The following RBFOX1 variants were observed in gnomAD, a reference collection of about 807,000 sequenced individuals.
The protein encoded by RBFOX1 is RNA binding protein fox-1 homolog 1.
In RBFOX1, 8 loss-of-function variants were observed where a neutral mutation model predicts 57.7. That is an observed-to-expected ratio of 0.14 (90% confidence interval 0.08 to 0.25). RBFOX1 has a LOEUF of 0.25. Ranked by LOEUF, RBFOX1 falls within the 10% of genes least tolerant of loss-of-function variation. The pLI, the probability that RBFOX1 is intolerant of heterozygous loss-of-function variation, is 1.00. For missense variants in RBFOX1, 611 were observed against 548.5 expected, an observed-to-expected ratio of 1.11 and a Z score of -1.14; for synonymous variants, 326 against 222.4, an observed-to-expected ratio of 1.47 and a Z score of -4.15.
intron 6 of RBFOX1, among the ~76,000 whole-genome samples, chr16:7,582,416 T>C (rs570981176): frequency 6.6e-6 from 1 of 152,286 alleles, no homozygotes; most frequent in South Asian, 2.1e-4. Flanking sequence ...TAGACCCCCT[T>C]GCAATGACTT....
chr16:6,239,739 C>T (rs961503287), intron 1 of RBFOX1, among the ~76,000 whole-genome samples: 4 of 152,032 alleles, frequency 2.6e-5, no homozygotes, highest in African/African-American at 7.2e-5. Flanking sequence ...CCTCATGATC[C>T]GCCTGCCTTG....
intron 4 of RBFOX1, among the ~76,000 whole-genome samples, chr16:7,217,025 C>T (rs1264908112): frequency 1.3e-4 from 12 of 89,890 alleles, no homozygotes; most frequent in African/African-American, 4.7e-4. Flanking sequence ...CCCTCCCTCC[C>T]TCCCTCCCTC....
intron 13 of RBFOX1, among the ~76,000 whole-genome samples, chr16:7,672,695 C>T (rs773122498): frequency 8.6e-5 from 13 of 151,512 alleles, no homozygotes; most frequent in South Asian, 4.2e-4. Context: ...GTATCAAAAC[C>T]GCATCTCTAC....
chr16:5,584,060 C>T (rs2046756929), intron 2 of RBFOX1, among the ~76,000 whole-genome samples: 1 of 152,200 alleles, frequency 6.6e-6, no homozygotes, highest in Non-Finnish European at 1.5e-5. Flanking sequence ...CCCATTTCTG[C>T]ATCAGTGGCC....
chr16:7,594,549 C>G (rs114075664), intron 7 of RBFOX1, among the ~76,000 whole-genome samples: 2 of 152,042 alleles, frequency 1.3e-5, no homozygotes, highest in Non-Finnish European at 2.9e-5. Flanking sequence ...AGACAAAATA[C>G]GGATTTTGAC....
chr16:5,841,112 A>C (rs571089517), intron 3 of RBFOX1, among the ~76,000 whole-genome samples: 1 of 152,292 alleles, frequency 6.6e-6, no homozygotes, highest in South Asian at 2.1e-4. Context: ...ATGTCGATTG[A>C]GTGATTTCCT....
At chr16:5,820,437 TG>T in intron 3 of RBFOX1, among the ~76,000 whole-genome samples, 1 of 152,144 alleles carries the variant, frequency 6.6e-6, no homozygotes, top group Non-Finnish European at 1.5e-5. Context: ...GCCACGTGGC[TG>T]GACCGTGCCG....
At chr16:6,711,446 T>A (rs1029693708) in intron 3 of RBFOX1, among the ~76,000 whole-genome samples, 2 of 152,170 alleles carry the variant, frequency 1.3e-5, no homozygotes, top group African/African-American at 4.8e-5. Flanking sequence ...TGAATGGTAA[T>A]CCCCACGTGT....
intron 4 of RBFOX1, among the ~76,000 whole-genome samples, chr16:7,128,045 A>G (rs904975393): frequency 3.3e-5 from 5 of 152,204 alleles, no homozygotes; most frequent in African/African-American, 7.2e-5. Flanking sequence ...CAGTCTTGAC[A>G]TCGTCCTCTG....
chr16:7,175,082 T>C (rs1464873243), intron 4 of RBFOX1, among the ~76,000 whole-genome samples: 1 of 152,052 alleles, frequency 6.6e-6, no homozygotes, highest in Non-Finnish European at 1.5e-5. Context: ...GTGCAGGATG[T>C]GCACGTTTGT....
In RBFOX1 at chr16:6,607,422, C is replaced by G. The variant is rs199811343; in HGVS notation, c.-63-47181C>G. ...TTAGGTCTTTCAGTCTCTCTCCTCT[C>G]TCTCTCTCTCTCTCGCTCTCTATCT... is the stretch of plus-strand genomic sequence containing the variant. On this transcript the variant is annotated intron_variant, in intron 2 of 15. Transcript: ENST00000550418. Among the ~76,000 whole-genome samples the G allele has an allele frequency of 2.0e-5, 3 of 147,848 alleles. No individual in the cohort carries two copies. In the East Asian group the frequency reaches 7.2e-4, roughly 35 times the overall value.
At chr16:5,923,078 G>A (rs1003475490) in intron 4 of RBFOX1, among the ~76,000 whole-genome samples, 3 of 152,092 alleles carry the variant, frequency 2.0e-5, no homozygotes, top group Admixed American at 6.5e-5. Flanking sequence ...AACCTCTTCC[G>A]CTGCTTGCTG....
chr16:6,659,989 T>G, intron 3 of RBFOX1, among the ~76,000 whole-genome samples: 1 of 151,968 alleles, frequency 6.6e-6, no homozygotes, highest in South Asian at 2.1e-4. Context: ...CCAGCACTTT[T>G]GGAGGGTGAG....
intron 5 of RBFOX1, among the ~76,000 whole-genome samples, chr16:7,542,566 G>A (rs2083235475): frequency 6.6e-6 from 1 of 151,812 alleles, no homozygotes; most frequent in Non-Finnish European, 1.5e-5. Context: ...TAGAAATAGA[G>A]GGATGGGGCC....
chr16:5,748,471 G>T (rs2053069571), intron 3 of RBFOX1, among the ~76,000 whole-genome samples: 1 of 152,122 alleles, frequency 6.6e-6, no homozygotes, highest in African/African-American at 2.4e-5. Context: ...GTTGACAGTG[G>T]GGTGTTAAAG....
At chr16:6,494,888 C>T (rs548889300) in intron 2 of RBFOX1, among the ~76,000 whole-genome samples, 2 of 152,262 alleles carry the variant, frequency 1.3e-5, no homozygotes, top group East Asian at 1.9e-4. Flanking sequence ...GTAGCATCCA[C>T]CATATGCCAG....
chr16:6,616,973 G>A (rs1159104796), intron 2 of RBFOX1, among the ~76,000 whole-genome samples: 2 of 152,154 alleles, frequency 1.3e-5, no homozygotes, highest in Non-Finnish European at 2.9e-5. Flanking sequence ...TTTTGCAACA[G>A]AGACCTTATG....
intron 1 of RBFOX1, among the ~76,000 whole-genome samples, chr16:6,146,884 G>A (rs2096762525): frequency 6.6e-6 from 1 of 152,272 alleles, no homozygotes; most frequent in South Asian, 2.1e-4. Context: ...GTATCTGAGA[G>A]GCATCAAGAA....
intron 4 of RBFOX1, among the ~76,000 whole-genome samples, chr16:7,404,676 G>A (rs944060837): frequency 2.0e-5 from 3 of 150,084 alleles, no homozygotes; most frequent in Non-Finnish European, 4.4e-5. Flanking sequence ...TAGCAAGTCT[G>A]TGGATATTAA....
Sources: allele counts gnomAD v4.1 joint callset (sites outside exome capture counted in the v4.1 genomes callset), GRCh38; gene constraint gnomAD v4.1.1; transcripts MANE v1.5; gene names NCBI Gene and HGNC (gene_info 2026-07-23, HGNC 2026-07-21).